RGPD2: variants seen among roughly 807,000 people sequenced by gnomAD.
The protein encoded by RGPD2 is RANBP2 like and GRIP domain containing 2.
In RGPD2, 2 loss-of-function variants were observed where a neutral mutation model predicts 36.0. That is an observed-to-expected ratio of 0.06 (90% confidence interval 0.02 to 0.17). RGPD2 has a LOEUF of 0.17. RGPD2 is among the 10% of genes least tolerant of loss of function. RGPD2 has a pLI of 1.00. For missense variants in RGPD2, 40 were observed against 464.3 expected, an observed-to-expected ratio of 0.09 and a Z score of 8.40; for synonymous variants, 19 against 163.8, an observed-to-expected ratio of 0.12 and a Z score of 6.75.
chr2:87,853,508 C>A, the RGPD2 span, among the ~76,000 whole-genome samples: 1 of 151,468 alleles, frequency 6.6e-6, no homozygotes, highest in Non-Finnish European at 1.5e-5. Flanking sequence ...ACATGTTGAA[C>A]CACCACACCT....
chr2:87,960,069 G>A, the RGPD2 span, among the ~76,000 whole-genome samples: 53 of 73,634 alleles, frequency 7.2e-4, no homozygotes, highest in East Asian at 9.0e-3. Flanking sequence ...GGGCTGGGGG[G>A]CATACAAGGA....
chr2:87,970,176 CAT>C, the RGPD2 span, among the ~76,000 whole-genome samples: 1 of 151,824 alleles, frequency 6.6e-6, no homozygotes, highest in Non-Finnish European at 1.5e-5. Flanking sequence ...GGATTCTTCA[CAT>C]GTTTTTGTAG....
At chr2:87,954,994 CTTTT>C in the RGPD2 span, among the ~76,000 whole-genome samples, 67 of 19,184 alleles carry the variant, frequency 3.5e-3, no homozygotes, top group Non-Finnish European at 5.4e-3. Context: ...CTGCTTGAAA[CTTTT>C]TTTTTTTTTT....
At chr2:87,873,221 T>C in the RGPD2 span, among the ~76,000 whole-genome samples, 485 of 147,890 alleles carry the variant, frequency 3.3e-3, 10 homozygotes, top group East Asian at 0.082. Context: ...ATGTACCATA[T>C]TTTCTTTATC....
At chr2:87,921,161 T>A in the RGPD2 span, among the ~76,000 whole-genome samples, 1 of 151,520 alleles carries the variant, frequency 6.6e-6, no homozygotes, top group African/African-American at 2.4e-5. Context: ...AAAGCTTAAA[T>A]AGACTCTATT....
intron 20 of RGPD2, among the ~76,000 whole-genome samples, chr2:87,781,457 T>G (rs1257849108): frequency 2.9e-5 from 4 of 136,004 alleles, no homozygotes; most frequent in Admixed American, 2.2e-4. Flanking sequence ...GTTTTTTTTG[T>G]TTTTTTGTTT....
the RGPD2 span, among the ~76,000 whole-genome samples, chr2:87,864,308 C>A: frequency 6.6e-6 from 1 of 152,268 alleles, no homozygotes; most frequent in African/African-American, 2.4e-5. Context: ...CTTCTGCTGC[C>A]TGTGAACATA....
At chr2:87,988,834 C>A in the RGPD2 span, among the ~76,000 whole-genome samples, 6 of 151,994 alleles carry the variant, frequency 3.9e-5, no homozygotes, top group Non-Finnish European at 5.9e-5. Flanking sequence ...AGCCACCATG[C>A]CCAGCAGGCA....
chr2:87,951,433 T>C, the RGPD2 span, among the ~76,000 whole-genome samples: 1 of 152,028 alleles, frequency 6.6e-6, no homozygotes, highest in Non-Finnish European at 1.5e-5. Flanking sequence ...GAGAGGAAAT[T>C]ACTGGAAAAT....
chr2:87,824,420 G>C (rs970847225), intron 1 of RGPD2, among the ~76,000 whole-genome samples: 60 of 152,182 alleles, frequency 3.9e-4, no homozygotes, highest in Admixed American at 5.9e-4. Flanking sequence ...AGACATTCTA[G>C]AAAGCATGGG....
the RGPD2 span, among the ~76,000 whole-genome samples, chr2:87,933,572 A>G: frequency 8.7e-5 from 13 of 150,164 alleles, no homozygotes; most frequent in Non-Finnish European, 1.6e-4. Flanking sequence ...GGAAGAAATC[A>G]TATTCTTCTT....
chr2:87,885,145 T>A, the RGPD2 span, among the ~76,000 whole-genome samples: 8 of 152,138 alleles, frequency 5.3e-5, no homozygotes, highest in East Asian at 1.9e-4. Context: ...AAAAGTGTCA[T>A]CATTTACCAT....
chr2:87,944,619 T>C, the RGPD2 span, among the ~76,000 whole-genome samples: 3,243 of 122,704 alleles, frequency 0.026, 63 homozygotes, highest in African/African-American at 0.12. Context: ...CAGATTGGAT[T>C]AGGAAAATTC....
the RGPD2 span, among the ~76,000 whole-genome samples, chr2:87,927,696 AAC>A: frequency 4.6e-5 from 7 of 151,428 alleles, no homozygotes; most frequent in Non-Finnish European, 1.0e-4. Flanking sequence ...TAAAGAAAAA[AAC>A]AATTCTGTCT....
the RGPD2 span, among the ~76,000 whole-genome samples, chr2:87,864,566 C>T: frequency 3.3e-5 from 5 of 150,940 alleles, no homozygotes. Flanking sequence ...TATAGCTAGA[C>T]ATAGATAGAT....
chr2:87,832,712 TTG>T, the RGPD2 span, among the ~76,000 whole-genome samples: 1 of 151,894 alleles, frequency 6.6e-6, no homozygotes, highest in Admixed American at 6.6e-5. Flanking sequence ...ACCCAGCACT[TTG>T]GGAGGCTGCG....
chr2:87,957,308 CTT>C, the RGPD2 span, among the ~76,000 whole-genome samples: 6 of 146,974 alleles, frequency 4.1e-5, no homozygotes, highest in South Asian at 1.3e-3. Context: ...CTCTCTCTCT[CTT>C]TCTGCCAGCC....
At chr2:87,943,812 G>A in the RGPD2 span, among the ~76,000 whole-genome samples, 1 of 151,730 alleles carries the variant, frequency 6.6e-6, no homozygotes, top group African/African-American at 2.4e-5. Context: ...GAGTTGATTT[G>A]TGTTCATTCT....
the RGPD2 span, among the ~76,000 whole-genome samples, chr2:87,885,198 A>G: frequency 6.6e-6 from 1 of 152,120 alleles, no homozygotes. Flanking sequence ...TTGGTTGAAC[A>G]TACATAAATC....
Sources: gnomAD v4.1 joint callset for allele counts (sites outside exome capture counted in the v4.1 genomes callset) on GRCh38, gnomAD v4.1.1 for gene constraint, MANE v1.5 for transcripts, NCBI Gene and HGNC (gene_info 2026-07-23, HGNC 2026-07-21) for gene names.